The following PDE5A variants were observed in gnomAD, a reference collection of about 807,000 sequenced individuals.
PDE5A encodes the protein phosphodiesterase 5A.
A neutral mutation model predicts 110.2 loss-of-function variants in PDE5A; 67 were observed. The observed-to-expected ratio is 0.61, with a 90% CI of 0.50 to 0.75. The LOEUF (loss-of-function observed/expected upper bound fraction) is 0.75, where lower values mean the gene tolerates loss of function less well. Among genes scored for constraint, PDE5A ranks in the 30% least tolerant of loss-of-function variants. The pLI is 0.00. For synonymous variants in PDE5A, 328 were observed against 351.2 expected (o/e 0.93, Z 0.74); for missense variants, 862 against 1,045.1 (o/e 0.82, Z 2.42).
Position 119,507,705 on chromosome 4 carries a change from C to A in PDE5A, c.2089-1G>T. The A allele has an allele frequency of 6.4e-7, 1 of 1,570,372 alleles. No homozygotes were observed. The highest frequency in any genetic ancestry group is 1.2e-5 in the South Asian group (1 of 84,480). ...AGAGGCCACTGAGAATCTGATTGCC[C>A]TTTATAAAAAAAGAAAACCAGTATT... On this transcript the variant is annotated splice_acceptor_variant, in intron 15 of 20. Coordinates refer to ENST00000354960, the MANE Select transcript of PDE5A (RefSeq NM_001083.4). LOFTEE classifies it high-confidence loss of function.
intron 3 of PDE5A, among the ~76,000 whole-genome samples, chr4:119,579,281 C>T (rs1453367054): frequency 3.3e-5 from 5 of 152,134 alleles, no homozygotes; most frequent in South Asian, 2.1e-4. Context: ...GTCAGTGTGG[C>T]GATTCCTCAG....
chr4:119,568,655 T>A (rs1382588781), intron 3 of PDE5A, among the ~76,000 whole-genome samples: 1 of 152,202 alleles, frequency 6.6e-6, no homozygotes, highest in Non-Finnish European at 1.5e-5. Context: ...GGGCACTTAA[T>A]GTGGGTAAAA....
intron 3 of PDE5A, among the ~76,000 whole-genome samples, chr4:119,579,813 A>C (rs942577494): frequency 9.9e-5 from 15 of 150,922 alleles, no homozygotes; most frequent in Admixed American, 2.6e-4. Flanking sequence ...CATGTTGTGC[A>C]CATGTACCCT....
chr4:119,626,450 T>C (rs1321605281), intron 1 of PDE5A, among the ~76,000 whole-genome samples: 1 of 152,218 alleles, frequency 6.6e-6, no homozygotes, highest in Non-Finnish European at 1.5e-5. Flanking sequence ...TTATGCTGAT[T>C]TATTAAACAA....
In PDE5A at chr4:119,498,717, C is replaced by T. The variant is rs757023722; in HGVS notation, c.2512G>A (p.Asp838Asn). ...LYEALTHVSE[D>N]CFPLLDGCRK... is the part of the protein sequence containing the mutation. ...CAGCCATCTAGCAAAGGGAAACAGT[C>T]CTCTGACACGTGGGTCAGGGCCTAA... Residue 838 changes from aspartate to asparagine, a missense_variant, in exon 21 of 21, where the codon GAC becomes AAC. Physicochemically the swap from Asp to Asn is conservative, Grantham distance 23. Transcript: ENST00000354960. 1.2e-6 allele frequency: 2 copies of T among 1,613,930 alleles called. No individual in the cohort carries two copies. Among genetic ancestry groups the T allele is most frequent in the Non-Finnish European group, 1.7e-6 (2 of 1,179,886 alleles).
intron 11 of PDE5A, among the ~76,000 whole-genome samples, chr4:119,535,923 C>G (rs1214295158): frequency 2.6e-5 from 4 of 152,048 alleles, no homozygotes; most frequent in Non-Finnish European, 5.9e-5. Flanking sequence ...CAAACGACAG[C>G]AATTTTGGTG....
chr4:119,510,958 G>C (rs1046983316), intron 15 of PDE5A, 89 bp downstream of exon 15: 4 of 874,012 alleles, frequency 4.6e-6, no homozygotes, highest in Non-Finnish European at 7.3e-6. Flanking sequence ...AAGAATTTAT[G>C]ATGCTGGGAA....
intron 2 of PDE5A, among the ~76,000 whole-genome samples, chr4:119,605,842 A>G (rs1395375148): frequency 6.6e-6 from 1 of 152,176 alleles, no homozygotes; most frequent in Non-Finnish European, 1.5e-5. Context: ...CAGGAACACA[A>G]TAAAACAGCT....
intron 1 of PDE5A, among the ~76,000 whole-genome samples, chr4:119,609,283 T>C (rs1009445438): frequency 1.8e-4 from 27 of 152,360 alleles, no homozygotes; most frequent in Admixed American, 1.8e-3. Context: ...ATATAGTAAG[T>C]ACGTTTGCTA....
chr4:119,618,364 G>A (rs1730015466), intron 1 of PDE5A, among the ~76,000 whole-genome samples: 1 of 151,856 alleles, frequency 6.6e-6, no homozygotes, highest in African/African-American at 2.4e-5. Context: ...GTAGATGTTG[G>A]CTCTTGCTTC....
At chr4:119,516,578 T>A (rs768726637) in intron 14 of PDE5A, among the ~76,000 whole-genome samples, 2 of 152,208 alleles carry the variant, frequency 1.3e-5, no homozygotes, top group East Asian at 3.8e-4. Flanking sequence ...TTTGTTCCTA[T>A]TACTGCCTAT....
At chr4:119,607,432 G>T (rs1248548656) in intron 1 of PDE5A, 135 bp from the exon 2 acceptor site, 1 of 646,562 alleles carries the variant, frequency 1.5e-6, no homozygotes, top group Non-Finnish European at 2.6e-6. Flanking sequence ...AAACAAGATG[G>T]TTTACTTAAG....
intron 11 of PDE5A, among the ~76,000 whole-genome samples, chr4:119,535,259 T>C (rs1365792336): frequency 6.6e-6 from 1 of 152,070 alleles, no homozygotes; most frequent in Non-Finnish European, 1.5e-5. Flanking sequence ...GTCAACACAC[T>C]TGTGGGTAAT....
intron 3 of PDE5A, among the ~76,000 whole-genome samples, chr4:119,571,349 G>A (rs1201338667): frequency 1.3e-5 from 2 of 152,172 alleles, no homozygotes; most frequent in African/African-American, 4.8e-5. Context: ...GAGATGGGGA[G>A]ATTATCCTGA....
chr4:119,628,091 G>A lies in PDE5A; in HGVS notation c.152+429C>T, dbSNP rs927126839. The A allele has an allele frequency of 7.3e-6, 7 of 959,984 alleles. No homozygotes were observed. The Admixed American group carries it at 1.8e-4, about 25-fold the overall frequency. The allele number at this position is 959,984 out of a possible 1,614,324, so 59.5% of individuals were successfully genotyped here. ...AGCCAGGGCCAGGGCGAGGGGGGAC[G>A]GGGGAGGAGCGGAGCCATCAAGACC... On this transcript the variant is annotated intron_variant, in intron 1 of 20. Coordinates refer to ENST00000354960, the MANE Select transcript of PDE5A (RefSeq NM_001083.4).
chr4:119,603,096 G>A (rs1335744024), intron 2 of PDE5A, among the ~76,000 whole-genome samples: 1 of 152,144 alleles, frequency 6.6e-6, no homozygotes, highest in East Asian at 1.9e-4. Flanking sequence ...ATGTTATCTG[G>A]TTTTCCTATA....
intron 3 of PDE5A, among the ~76,000 whole-genome samples, chr4:119,575,426 C>G (rs1728298569): frequency 6.6e-6 from 1 of 152,188 alleles, no homozygotes; most frequent in African/African-American, 2.4e-5. Context: ...ATGTTAAGGA[C>G]AGCCAGAGAG....
At chr4:119,506,408 C>T (rs970317094) in intron 16 of PDE5A, among the ~76,000 whole-genome samples, 8 of 151,652 alleles carry the variant, frequency 5.3e-5, no homozygotes, top group South Asian at 2.1e-4. Flanking sequence ...TGTTATTATT[C>T]AGTGAATATA....
intron 1 of PDE5A, among the ~76,000 whole-genome samples, chr4:119,619,405 T>C (rs1238142968): frequency 2.6e-5 from 4 of 152,142 alleles, no homozygotes; most frequent in African/African-American, 9.7e-5. Context: ...CTTCACCCTC[T>C]TTCACCTCCC....
Sources: gnomAD v4.1 joint callset for allele counts (sites outside exome capture counted in the v4.1 genomes callset) on GRCh38, gnomAD v4.1.1 for gene constraint, MANE v1.5 for transcripts, NCBI Gene and HGNC (gene_info 2026-07-23, HGNC 2026-07-21) for gene names.